FDFT1: variants seen among roughly 807,000 people sequenced by gnomAD.
FDFT1 encodes farnesyl-diphosphate farnesyltransferase 1.
FDFT1 carries 68 observed loss-of-function variants against 46.8 expected under a neutral mutation model. That is an observed-to-expected ratio of 1.45 (90% confidence interval 1.19 to 1.78). The LOEUF is 1.78. Ranked by LOEUF, FDFT1 falls within the 40% of genes most tolerant of loss-of-function variation. The pLI, the probability that FDFT1 is intolerant of heterozygous loss-of-function variation, is 0.00. For synonymous variants in FDFT1, 351 were observed against 185.1 expected, an observed-to-expected ratio of 1.90 and a Z score of -7.28; for missense variants, 928 against 524.4, an observed-to-expected ratio of 1.77 and a Z score of -7.52.
rs112887229 is a variant in FDFT1 at position 11,809,664 on chromosome 8, C to T, written c.198-3C>T. The stretch of plus-strand genomic sequence containing the variant: ...TATATTAATAGTTTTCCCTTTTTTA[C>T]AGCAACGCAGTGTGCATATTTTATC... On this transcript the variant is annotated splice_polypyrimidine_tract_variant and splice_region_variant and intron_variant, in intron 2 of 7. Transcript: ENST00000220584. The T allele has an allele frequency of 4.4e-6, 7 of 1,584,420 alleles. No homozygotes were observed. The Admixed American group carries it at 1.2e-4, about 26-fold the overall frequency.
At chr8:11,829,387 G>A (rs966309358) in intron 5 of FDFT1, among the ~76,000 whole-genome samples, 1 of 152,138 alleles carries the variant, frequency 6.6e-6, no homozygotes, top group African/African-American at 2.4e-5. Context: ...TAGAATTAAA[G>A]GTTTTATTTC....
At chr8:11,802,194 T>C (rs12056541), upstream of FDFT1, 83,660 of 431,742 alleles carry the variant, frequency 0.19, 9,097 homozygotes, top group East Asian at 0.48. Flanking sequence ...AGCTGGGCTG[T>C]GCTCGGGTGT....
At chr8:11,806,874 C>T (rs1806912227) in intron 1 of FDFT1, among the ~76,000 whole-genome samples, 2 of 152,108 alleles carry the variant, frequency 1.3e-5, no homozygotes, top group Admixed American at 6.5e-5. Context: ...TATTTATGTG[C>T]CAGACGCTGA....
intron 3 of FDFT1, among the ~76,000 whole-genome samples, chr8:11,815,203 CT>C (rs554020002): frequency 2.0e-5 from 3 of 152,038 alleles, no homozygotes; most frequent in Non-Finnish European, 4.4e-5. Context: ...TGAACTCATC[CT>C]TTTTTTATGG....
chr8:11,800,260 CAAAAAAAAAAAAAA>C (rs57381182), upstream of FDFT1, among the ~76,000 whole-genome samples: 19 of 57,914 alleles, frequency 3.3e-4, no homozygotes, highest in South Asian at 8.7e-4. Flanking sequence ...AATTCTGTCT[CAAAAAAAAAAAAAA>C]AAAAAAAAAA....
At chr8:11,831,488 C>G in intron 6 of FDFT1, 30 bp from the exon 7 acceptor site, 1 of 1,599,960 alleles carries the variant, frequency 6.3e-7, no homozygotes, top group Non-Finnish European at 8.5e-7. Context: ...ATCATTTCTT[C>G]TTTTTTCCCT....
intron 3 of FDFT1, 29 bp from the exon 4 acceptor site, chr8:11,821,721 T>G (rs1429974598): frequency 6.2e-7 from 1 of 1,610,382 alleles, no homozygotes; most frequent in Non-Finnish European, 8.5e-7. Flanking sequence ...TATTTCATGA[T>G]TTCTGTGTTT....
In FDFT1 at chr8:11,821,803, C is replaced by A. The variant is rs1014712965; in HGVS notation, c.435C>A (p.Asp145Glu). ...LAEKYQTVIA[D>E]ICRRMGIGMA... is the part of the protein sequence containing the mutation. ...AGAAATACCAAACAGTGATTGCCGACATTTGCCGGAGAATGGGCATTGGGA... is the reference window on the plus strand; with the variant it reads ...AGAAATACCAAACAGTGATTGCCGAAATTTGCCGGAGAATGGGCATTGGGA... Residue 145 changes from aspartate to glutamate, a missense_variant, in exon 4 of 8, where the codon GAC (aspartate) becomes GAA (glutamate). By Grantham distance (45) the Asp-to-Glu change is conservative. Coordinates refer to ENST00000220584, the MANE Select transcript of FDFT1 (RefSeq NM_004462.5). 2.2e-5 allele frequency: 35 copies of A among 1,613,616 alleles called. No individual in the cohort carries two copies. The highest frequency in any genetic ancestry group is 2.8e-5 in the Non-Finnish European group (33 of 1,179,742).
At chr8:11,816,202 C>T (rs1808422210) in intron 3 of FDFT1, among the ~76,000 whole-genome samples, 1 of 152,104 alleles carries the variant, frequency 6.6e-6, no homozygotes, top group Non-Finnish European at 1.5e-5. Context: ...ATTTCTGAGG[C>T]CTCTGTTCCG....
At chr8:11,801,660 A>G (rs1042268022), upstream of FDFT1, 1 of 290,098 alleles carries the variant, frequency 3.4e-6, no homozygotes, top group South Asian at 2.9e-5. Flanking sequence ...TTGCTGTGTT[A>G]AAACAGACTG....
At chr8:11,828,662 C>A (rs780259676) in intron 5 of FDFT1, among the ~76,000 whole-genome samples, 16 of 152,374 alleles carry the variant, frequency 1.1e-4, no homozygotes, top group Non-Finnish European at 1.5e-4. Flanking sequence ...AAAATAGCAT[C>A]ATTTCTACCA....
At chr8:11,834,308 T>A (rs1208103896) in intron 7 of FDFT1, among the ~76,000 whole-genome samples, 1 of 152,210 alleles carries the variant, frequency 6.6e-6, no homozygotes, top group African/African-American at 2.4e-5. Context: ...CAAACCAGCC[T>A]GGATGCTTGT....
intron 3 of FDFT1, among the ~76,000 whole-genome samples, chr8:11,820,951 G>A (rs147579425): frequency 7.2e-5 from 11 of 152,322 alleles, no homozygotes; most frequent in Non-Finnish European, 1.5e-4. Flanking sequence ...CTTCTGCATC[G>A]ATCTTGCTGG....
At position 11,804,970 on chromosome 8, in the gene FDFT1, C is replaced by G. The variant is rs1203286507; in HGVS notation, c.99+2039C>G. ...ATCGTCCAGGCTAGAATGCTGTGGC[C>G]TGAACATGACTCACTCCAGTTTTGA... On this transcript the variant is annotated intron_variant, in intron 1 of 7. Transcript: ENST00000220584. 4.1e-5 allele frequency among the ~76,000 whole-genome samples: 6 copies of G among 145,690 alleles called. No individual in the cohort carries two copies. In the East Asian group the frequency reaches 1.3e-3, roughly 30 times the overall value.
chr8:11,837,401 T>G (rs1811695706), intron 7 of FDFT1, among the ~76,000 whole-genome samples: 1 of 152,118 alleles, frequency 6.6e-6, no homozygotes, highest in African/African-American at 2.4e-5. Context: ...CCGGCTAATT[T>G]TTGTACATTT....
rs866905485 is a variant in FDFT1, at chr8:11,838,926, C to T, written c.*317C>T. The T allele has an allele frequency of 9.7e-6, 3 of 310,306 alleles. No individual in the cohort carries two copies. The highest frequency in any genetic ancestry group is 4.4e-5 in the African/African-American group (2 of 45,224). 19.2% of individuals were successfully genotyped at this position (310,306 alleles called of 1,614,324 possible). On this transcript the variant is annotated 3_prime_UTR_variant, in exon 8 of 8. Coordinates refer to ENST00000220584, the MANE Select transcript of FDFT1 (RefSeq NM_004462.5). ...GTCATGAGATCCTACTTAGTATGAT[C>T]CTGGCTAGAATGATAATTAAAAGTA... is the stretch of plus-strand genomic sequence containing the variant.
At chr8:11,829,794 G>A (rs1368421957) in intron 5 of FDFT1, among the ~76,000 whole-genome samples, 1 of 152,120 alleles carries the variant, frequency 6.6e-6, no homozygotes, top group Non-Finnish European at 1.5e-5. Context: ...CTTCGTGAAA[G>A]ATGAGTCTGC....
chr8:11,797,528 A>G (rs1275030555), upstream of FDFT1, among the ~76,000 whole-genome samples: 1 of 8,854 alleles, frequency 1.1e-4, no homozygotes, highest in African/African-American at 1.3e-4. Context: ...GTTGCATTTA[A>G]AGAACAGATA....
intron 7 of FDFT1, among the ~76,000 whole-genome samples, chr8:11,831,981 T>C (rs1359631066): frequency 6.6e-6 from 1 of 152,130 alleles, no homozygotes; most frequent in Non-Finnish European, 1.5e-5. Context: ...TTGTTGCTGG[T>C]GAGGAATGTG....
Sources: allele counts gnomAD v4.1 joint callset (sites outside exome capture counted in the v4.1 genomes callset), GRCh38; gene constraint gnomAD v4.1.1; transcripts MANE v1.5; gene names NCBI Gene and HGNC (gene_info 2026-07-23, HGNC 2026-07-21).